C1orf159: variants seen among roughly 807,000 people sequenced by gnomAD.
C1orf159 encodes uncharacterized protein C1orf159.
C1orf159 carries 19 observed loss-of-function variants against 25.6 expected under a neutral mutation model. The observed-to-expected ratio is 0.74, with a 90% CI of 0.52 to 1.09. The LOEUF is 1.09. Ranked by LOEUF, C1orf159 falls within the 50% of genes least tolerant of loss-of-function variation. The pLI is 0.00. For synonymous variants in C1orf159, 139 were observed against 124.7 expected (o/e 1.12, Z -0.77); for missense variants, 274 against 290.6 (o/e 0.94, Z 0.42).
intron 1 of C1orf159, among the ~76,000 whole-genome samples, chr1:1,095,142 A>G (rs748434475): frequency 6.6e-6 from 1 of 152,178 alleles, no homozygotes; most frequent in Non-Finnish European, 1.5e-5. Flanking sequence ...TAGAATAGAA[A>G]CTTTGAAATC....
At chr1:1,088,550 C>T (rs529512502) in intron 4 of C1orf159, among the ~76,000 whole-genome samples, 108 of 151,260 alleles carry the variant, frequency 7.1e-4, no homozygotes, top group African/African-American at 2.5e-3. Flanking sequence ...CAAGCCTCAT[C>T]CCCCCGCCAG....
intron 7 of C1orf159, 123 bp from the exon 8 acceptor site, chr1:1,084,629 G>A (rs1036999288): frequency 1.7e-5 from 22 of 1,294,836 alleles, no homozygotes; most frequent in East Asian, 1.5e-4. Context: ...CGGCGTCCTC[G>A]GAGCAGCAGA....
chr1:1,090,983 C>T lies in C1orf159; in HGVS notation c.72+489G>A, dbSNP rs375119075. On this transcript the variant is annotated intron_variant, in intron 3 of 9. Transcript: ENST00000421241. ...ATCACAGCTGTGCTGTTTCTCGTGA[C>T]CTGAATGCAGTGAACGGTGAGGGCG... 29 of 1,549,432 alleles carry T rather than the reference C, an allele frequency of 1.9e-5. No homozygotes were observed. The African/African-American group carries it at 2.5e-4, about 13-fold the overall frequency.
In C1orf159 at chr1:1,092,066, C is replaced by T. The variant is rs534789796; in HGVS notation, c.-98G>A. The stretch of plus-strand genomic sequence containing the variant: ...TGTTCAGGGGTTAGCTCTGGGAGCT[C>T]ATGGGCTCAGCTGAGCCCTGCAGAC... On this transcript the variant is annotated 5_prime_UTR_variant, in exon 2 of 10. An upstream start codon of the reference 5' UTR is lost. Coordinates refer to ENST00000421241, the MANE Select transcript of C1orf159 (RefSeq NM_017891.5). 2.2e-6 allele frequency: 1 copy of T among 454,082 alleles called. No individual in the cohort carries two copies. The highest frequency in any genetic ancestry group is 2.0e-5 in the African/African-American group (1 of 50,140). The allele number at this position is 454,082 out of a possible 1,614,324, so 28.1% of individuals were successfully genotyped here. A position where few individuals can be genotyped will look rare whatever the true frequency, so the allele number is the denominator to read the frequency against.
chr1:1,090,278 G>A, intron 4 of C1orf159, 75 bp downstream of exon 4: 1 of 1,421,708 alleles, frequency 7.0e-7, no homozygotes. Flanking sequence ...TTGTCACCGA[G>A]GGGAGGGCCC....
At chr1:1,096,103 A>G (rs1226541065) in intron 1 of C1orf159, among the ~76,000 whole-genome samples, 1 of 152,176 alleles carries the variant, frequency 6.6e-6, no homozygotes, top group African/African-American at 2.4e-5. Context: ...GCCTGTGTTC[A>G]TGAAGGATAG....
At chr1:1,090,650 T>C (rs1311253607) in intron 3 of C1orf159, 14 of 684,556 alleles carry the variant, frequency 2.0e-5, no homozygotes, top group Non-Finnish European at 3.0e-5. Context: ...GGGTGGGCGG[T>C]CTCCAAGGAA....
chr1:1,084,488 C>T lies in C1orf159; in HGVS notation c.464G>A (p.Gly155Asp). The T allele has an allele frequency of 6.4e-7, 1 of 1,557,874 alleles. No homozygotes were observed. The highest frequency in any genetic ancestry group is 8.7e-7 in the Non-Finnish European group (1 of 1,151,426). The change falls in exon 8 of 10, where the codon GGC (glycine) becomes GAC (aspartate). Residue 155 changes from glycine (G) to aspartate (D), a missense_variant. Transcript: ENST00000421241. Reference protein sequence around the residue: ...RRNKAPALQPGEAAAMIPPPQ... With the variant: ...RRNKAPALQPDEAAAMIPPPQ... ...ATGATGTGGGTTACTTACGGCTTCGCCAGGCTGCAGGGCCGGAGCTGTGGG... is the reference window on the plus strand; with the variant it reads ...ATGATGTGGGTTACTTACGGCTTCGTCAGGCTGCAGGGCCGGAGCTGTGGG...
intron 7 of C1orf159, among the ~76,000 whole-genome samples, chr1:1,085,623 A>T (rs1328902524): frequency 6.6e-6 from 1 of 152,186 alleles, no homozygotes; most frequent in Non-Finnish European, 1.5e-5. Flanking sequence ...CTGCCGGAAG[A>T]GGGCTCCAGC....
intron 1 of C1orf159, chr1:1,106,207 C>T (rs1313557114): frequency 6.6e-6 from 1 of 152,162 alleles, no homozygotes; most frequent in Admixed American, 6.5e-5. Context: ...TAGACTCCAA[C>T]CCAAACACTC....
In C1orf159 at chr1:1,110,423, C is replaced by A. The variant is rs1473979572; in HGVS notation, c.-136+5637G>T. Among the ~76,000 whole-genome samples the A allele has an allele frequency of 1.3e-5, 2 of 152,066 alleles. No individual in the cohort carries two copies. The highest frequency in any genetic ancestry group is 4.8e-5 in the African/African-American group (2 of 41,392). ...TCACAGTACACGTACCAGACAAAAG[C>A]CCTGAATATGGAATATATAAAGGAC... On this transcript the variant is annotated intron_variant, in intron 1 of 9. Coordinates refer to ENST00000421241, the MANE Select transcript of C1orf159 (RefSeq NM_017891.5). This position sits in a 1 kb window ranked among gnomAD's most constrained non-coding sequence, Gnocchi z 4.8.
chr1:1,104,696 G>A (rs1350906154), intron 1 of C1orf159, among the ~76,000 whole-genome samples: 1 of 152,148 alleles, frequency 6.6e-6, no homozygotes, highest in Non-Finnish European at 1.5e-5. Flanking sequence ...CTGGGAGGCT[G>A]ATGCAAGAGG....
At chr1:1,086,037 A>G (rs770109793) in intron 6 of C1orf159, 25 bp from the exon 7 acceptor site, 1 of 1,610,178 alleles carries the variant, frequency 6.2e-7, no homozygotes, top group Non-Finnish European at 8.5e-7. Context: ...CGCTGAGCAG[A>G]CGGGCAGGAC....
chr1:1,108,607 T>C (rs71628934), intron 1 of C1orf159, among the ~76,000 whole-genome samples: 2,838 of 50,632 alleles, frequency 0.056, 12 homozygotes, highest in African/African-American at 0.16. Context: ...TCGGCACCGT[T>C]CACCACAGCC....
chr1:1,099,531 G>A (rs1646065288), intron 1 of C1orf159, among the ~76,000 whole-genome samples: 1 of 147,072 alleles, frequency 6.8e-6, no homozygotes, highest in Non-Finnish European at 1.5e-5. Context: ...GATGTTTTTG[G>A]TCTATTGTTC....
intron 1 of C1orf159, among the ~76,000 whole-genome samples, chr1:1,094,496 G>A (rs1035811313): frequency 1.3e-5 from 2 of 152,066 alleles, no homozygotes; most frequent in South Asian, 4.1e-4. Flanking sequence ...CGCCTTCTGG[G>A]TTCACACCAT....
Position 1,082,921 on chromosome 1 carries a change from G to T in C1orf159, c.569C>A (p.Pro190Gln), listed in dbSNP as rs773066930. 5.0e-6 allele frequency: 8 copies of T among 1,601,402 alleles called. No homozygotes were observed. The highest frequency in any genetic ancestry group is 1.7e-5 in the Admixed American group (1 of 58,884). The change falls in exon 10 of 10, where the codon CCG (proline) becomes CAG (glutamine). Residue 190 changes from proline to glutamine, a missense_variant. Physicochemically the swap from Pro to Gln is moderately conservative, Grantham distance 76 (BLOSUM62 -1). Coordinates refer to ENST00000421241, the MANE Select transcript of C1orf159 (RefSeq NM_017891.5). ...LDRATDPAAF[P>Q]GEARISNV Reference sequence around the variant, plus strand: ...GACATTGCTGATACGGGCCTCCCCCGGGAAGGCAGCGGGATCCGTGGCCCT... The same window carrying T: ...GACATTGCTGATACGGGCCTCCCCCTGGAAGGCAGCGGGATCCGTGGCCCT...
intron 1 of C1orf159, among the ~76,000 whole-genome samples, chr1:1,102,086 AAAAAAAAAAAC>A (rs1646109245): frequency 1.2e-4 from 18 of 151,000 alleles, no homozygotes; most frequent in Admixed American, 7.9e-4. Context: ...AAAAAAAAAA[AAAAAAAAAAAC>A]AAACTTTTGA....
intron 1 of C1orf159, among the ~76,000 whole-genome samples, chr1:1,103,329 T>C (rs778451148): frequency 2.6e-5 from 4 of 152,262 alleles, no homozygotes; most frequent in Non-Finnish European, 5.9e-5. Flanking sequence ...AATTGATATC[T>C]GTTGTCTTTC....
Sources: gnomAD v4.1 joint callset for allele counts (sites outside exome capture counted in the v4.1 genomes callset) on GRCh38, gnomAD v4.1.1 for gene constraint, Gnocchi (gnomAD v3.1) non-coding constraint, MANE v1.5 for transcripts, NCBI Gene and HGNC (gene_info 2026-07-23, HGNC 2026-07-21) for gene names.